Variants in DCHS2 observed in about 807,000 individuals in gnomAD.
DCHS2 encodes the protein protocadherin-23.
Under a neutral mutation model 182.4 loss-of-function variants are expected in DCHS2, and 142 were observed. The observed-to-expected ratio is 0.78, with a 90% CI of 0.68 to 0.89. The LOEUF is 0.89. DCHS2 is among the 40% of genes least tolerant of loss of function. The pLI is 0.00. For synonymous variants in DCHS2, 1,740 were observed against 1,663.3 expected (o/e 1.05, Z -1.12); for missense variants, 4,319 against 4,198.6 (o/e 1.03, Z -0.79).
chr4:154,252,608 A>C (rs1732431846), intron 16 of DCHS2, among the ~76,000 whole-genome samples: 1 of 151,430 alleles, frequency 6.6e-6, no homozygotes, highest in African/African-American at 2.4e-5. Flanking sequence ...ACTTAACATA[A>C]TGACTTCCAG....
At chr4:154,440,731 T>G (rs1279832331) in intron 1 of DCHS2, among the ~76,000 whole-genome samples, 1 of 152,134 alleles carries the variant, frequency 6.6e-6, no homozygotes, top group East Asian at 1.9e-4. Flanking sequence ...AGAAAAAATG[T>G]TATGTTGTAC....
At chr4:154,376,348 T>C (rs1181450616) in intron 2 of DCHS2, among the ~76,000 whole-genome samples, 1 of 152,122 alleles carries the variant, frequency 6.6e-6, no homozygotes, top group Admixed American at 6.6e-5. Context: ...GGGTCAGCAA[T>C]GTATTGAAAT....
intron 13 of DCHS2, among the ~76,000 whole-genome samples, chr4:154,270,274 T>C (rs1450896179): frequency 6.6e-6 from 1 of 152,090 alleles, no homozygotes; most frequent in Non-Finnish European, 1.5e-5. Context: ...AAAACATACA[T>C]AATCATAGAA....
chr4:154,298,012 G>C lies in DCHS2; in HGVS notation c.6302C>G (p.Ser2101Ter). Residue 2101 changes from serine to a stop codon, truncating the protein, a stop_gained, in exon 13 of 20, where the codon TCA (serine) becomes TGA (stop). Transcript: ENST00000357232. LOFTEE classifies it high-confidence loss of function. Reference protein sequence around the residue: ...GEIQFQQNPSSEYFPIWLQLK... With the variant: ...GEIQFQQNPS ...CTGCAGCCAGATAGGGAAGTATTCTGAAGATGGATTTTGCTGAAATTGAAT... is the reference window on the plus strand; with the variant it reads ...CTGCAGCCAGATAGGGAAGTATTCTCAAGATGGATTTTGCTGAAATTGAAT... 1 of 1,614,074 alleles carries C rather than the reference G, an allele frequency of 6.2e-7. No individual in the cohort carries two copies. Among genetic ancestry groups the C allele is most frequent in the Non-Finnish European group, 8.5e-7 (1 of 1,180,006 alleles).
chr4:154,355,565 T>A (rs974306159), intron 3 of DCHS2: 1 of 152,226 alleles, frequency 6.6e-6, no homozygotes, highest in Non-Finnish European at 1.5e-5. Context: ...ATAAACTTGC[T>A]TTCACTTTAC....
At chr4:154,252,208 A>C (rs1286722965) in intron 16 of DCHS2, among the ~76,000 whole-genome samples, 1 of 152,114 alleles carries the variant, frequency 6.6e-6, no homozygotes, top group African/African-American at 2.4e-5. Flanking sequence ...AGGTGTATAC[A>C]TTTATGGGTT....
At chr4:154,455,916 C>A (rs1439669012) in intron 1 of DCHS2, among the ~76,000 whole-genome samples, 1 of 151,944 alleles carries the variant, frequency 6.6e-6, no homozygotes, top group Non-Finnish European at 1.5e-5. Context: ...ATGGTGAAAC[C>A]CCGTCTCTAT....
chr4:154,269,949 T>G lies in DCHS2; in HGVS notation c.6528A>C (p.Ser2176=), dbSNP rs200210837. 3 of 1,612,674 alleles carry G rather than the reference T, an allele frequency of 1.9e-6. No individual in the cohort carries two copies. In the Admixed American group the frequency reaches 5.0e-5, roughly 27 times the overall value. ...PDSIQDSMKY[S]IFSGNEDGVL... ...CTCCATCTTCATTTCCACTAAAAAT[T>G]GAATATTTCATGCTGTCCTGAATTG... Residue 2176 remains serine (S), a synonymous_variant, in exon 14 of 20, where the codon TCA becomes TCC. Coordinates refer to ENST00000357232, the MANE Select transcript of DCHS2 (RefSeq NM_001358235.2).
At chr4:154,256,263 T>C (rs769355735) in intron 15 of DCHS2, among the ~76,000 whole-genome samples, 1 of 152,108 alleles carries the variant, frequency 6.6e-6, no homozygotes, top group Non-Finnish European at 1.5e-5. Flanking sequence ...CCTCCCACTT[T>C]AGCCTCCCAA....
chr4:154,379,476 G>A (rs989774795), intron 1 of DCHS2, among the ~76,000 whole-genome samples: 3 of 152,302 alleles, frequency 2.0e-5, no homozygotes, highest in Admixed American at 1.3e-4. Context: ...ATAAGATTAT[G>A]TAGGTCTCCA....
chr4:154,333,596 C>T, intron 4 of DCHS2, 102 bp from the exon 5 acceptor site: 1 of 1,096,370 alleles, frequency 9.1e-7, no homozygotes, highest in Non-Finnish European at 1.3e-6. Context: ...CCTAATGACA[C>T]TTCAGTCAAT....
intron 1 of DCHS2, among the ~76,000 whole-genome samples, chr4:154,419,040 G>A (rs1732987700): frequency 6.6e-6 from 1 of 152,158 alleles, no homozygotes; most frequent in Non-Finnish European, 1.5e-5. Flanking sequence ...AAACACACAT[G>A]CAATCAGCAT....
intron 16 of DCHS2, 36 bp from the exon 17 acceptor site, chr4:154,242,808 C>T: frequency 1.9e-6 from 3 of 1,569,802 alleles, no homozygotes; most frequent in Non-Finnish European, 2.6e-6. Context: ...TGTGATTCAT[C>T]ATCCAGGAAT....
At chr4:154,389,777 A>G (rs116242556) in intron 1 of DCHS2, among the ~76,000 whole-genome samples, 5,547 of 151,756 alleles carry the variant, frequency 0.037, 137 homozygotes, top group Non-Finnish European at 0.055. Context: ...CACAAATCAA[A>G]CAAAACAAAA....
Position 154,298,636 on chromosome 4 carries a change from C to A in DCHS2, c.5678G>T (p.Arg1893Leu), listed in dbSNP as rs114469698. ...GELSTTRALD[R>L]EQISNFTLVI... ...AAGGGTAAAATTGCTGATTTGCTCC[C>A]GGTCCAAAGCACGAGTGGTTGAGAG... Residue 1893 changes from arginine (R) to leucine (L), a missense_variant, in exon 13 of 20, where the codon CGG becomes CTG. Coordinates refer to ENST00000357232, the MANE Select transcript of DCHS2 (RefSeq NM_001358235.2). 2,415 of 1,613,730 alleles carry A rather than the reference C, an allele frequency of 1.5e-3. 31 individuals carry two copies. The African/African-American group carries it at 0.028, about 19-fold the overall frequency.
intron 1 of DCHS2, among the ~76,000 whole-genome samples, chr4:154,411,250 A>G (rs62331907): frequency 5.0e-5 from 1 of 20,052 alleles, no homozygotes; most frequent in African/African-American, 2.3e-4. Flanking sequence ...ATGGGTTATC[A>G]GGTAGAAATA....
intron 1 of DCHS2, among the ~76,000 whole-genome samples, chr4:154,453,649 C>T (rs150234270): frequency 5.3e-5 from 8 of 152,196 alleles, no homozygotes; most frequent in African/African-American, 1.9e-4. Context: ...CAGTCTGAGT[C>T]TCTTCCTGCC....
chr4:154,468,522 T>G (rs1201619135), intron 1 of DCHS2, among the ~76,000 whole-genome samples: 1 of 152,134 alleles, frequency 6.6e-6, no homozygotes, highest in Non-Finnish European at 1.5e-5. Flanking sequence ...TCACCTGCCA[T>G]ACAGTATAGA....
intron 19 of DCHS2, among the ~76,000 whole-genome samples, chr4:154,238,877 T>C (rs17031290): frequency 0.019 from 2,892 of 152,242 alleles, 65 homozygotes; most frequent in African/African-American, 0.064. Context: ...TGTGCTTGGT[T>C]GGACGGATGC....
Sources: gnomAD v4.1 joint callset for allele counts (sites outside exome capture counted in the v4.1 genomes callset) on GRCh38, gnomAD v4.1.1 for gene constraint, MANE v1.5 for transcripts, NCBI Gene and HGNC (gene_info 2026-07-23, HGNC 2026-07-21) for gene names.